The following PRKG1 variants were observed in gnomAD, a reference collection of about 807,000 sequenced individuals.
PRKG1 encodes the protein protein kinase cGMP-dependent 1.
Under a neutral mutation model 88.1 loss-of-function variants are expected in PRKG1, and 35 were observed. The ratio of observed to expected loss-of-function variants is 0.40; its 90% CI spans 0.30 to 0.53. The LOEUF (loss-of-function observed/expected upper bound fraction) is 0.53, where lower values mean the gene tolerates loss of function less well. Among genes scored for constraint, PRKG1 ranks in the 20% least tolerant of loss-of-function variants. The pLI is 0.59. For synonymous variants in PRKG1, 303 were observed against 292.5 expected, an observed-to-expected ratio of 1.04 and a Z score of -0.37; for missense variants, 540 against 839.8, an observed-to-expected ratio of 0.64 and a Z score of 4.41.
intron 2 of PRKG1, among the ~76,000 whole-genome samples, chr10:51,301,921 C>T (rs1840898920): frequency 6.6e-6 from 1 of 152,194 alleles, no homozygotes; most frequent in Non-Finnish European, 1.5e-5. Context: ...TGACTGCCTT[C>T]TCTTCTCATG....
At chr10:51,019,848 GA>G (rs1355234595) in intron 1 of PRKG1, among the ~76,000 whole-genome samples, 2 of 151,560 alleles carry the variant, frequency 1.3e-5, no homozygotes, top group Non-Finnish European at 2.9e-5. Flanking sequence ...GAAATGAATA[GA>G]AATTTTTTTA....
At chr10:52,057,576 G>A (rs755489251) in intron 6 of PRKG1, among the ~76,000 whole-genome samples, 3 of 152,144 alleles carry the variant, frequency 2.0e-5, no homozygotes, top group Non-Finnish European at 4.4e-5. Context: ...AACAGGATGG[G>A]TAAGCAAAGT....
intron 5 of PRKG1, among the ~76,000 whole-genome samples, chr10:51,993,386 A>G (rs529081157): frequency 5.3e-5 from 8 of 152,312 alleles, no homozygotes; most frequent in African/African-American, 1.9e-4. Flanking sequence ...GAAATTTTAA[A>G]CAAGAAACTT....
At chr10:51,893,084 A>G (rs1486023927) in intron 4 of PRKG1, among the ~76,000 whole-genome samples, 2 of 152,150 alleles carry the variant, frequency 1.3e-5, no homozygotes, top group African/African-American at 2.4e-5. Context: ...ATTAGATGCT[A>G]TTAAGCATTT....
chr10:51,966,511 C>T (rs2454572), intron 5 of PRKG1, among the ~76,000 whole-genome samples: 102,390 of 152,014 alleles, frequency 0.67, 35,250 homozygotes, highest in African/African-American at 0.77. Flanking sequence ...TGGCATTTTA[C>T]GTCAATGCCA....
intron 3 of PRKG1, among the ~76,000 whole-genome samples, chr10:51,477,347 T>A (rs1417032019): frequency 6.7e-6 from 1 of 149,642 alleles, no homozygotes; most frequent in Non-Finnish European, 1.5e-5. Flanking sequence ...ATAGAAGAAT[T>A]TGGAAGGAAA....
At chr10:51,952,915 C>T (rs1455739163) in intron 5 of PRKG1, among the ~76,000 whole-genome samples, 1 of 152,170 alleles carries the variant, frequency 6.6e-6, no homozygotes, top group Non-Finnish European at 1.5e-5. Flanking sequence ...GAGCCTGGGA[C>T]AGTGTGATTA....
chr10:51,262,312 A>G (rs937164241), intron 2 of PRKG1, among the ~76,000 whole-genome samples: 2 of 152,200 alleles, frequency 1.3e-5, no homozygotes, highest in Non-Finnish European at 2.9e-5. Flanking sequence ...CTGATAAAAC[A>G]TATCTGTGAG....
intron 3 of PRKG1, among the ~76,000 whole-genome samples, chr10:51,562,058 T>C (rs1837477065): frequency 6.6e-6 from 1 of 151,882 alleles, no homozygotes; most frequent in African/African-American, 2.4e-5. Context: ...ACCCCATCTT[T>C]ACTAAAAACA....
At chr10:51,167,189 G>A (rs1846569561) in intron 2 of PRKG1, among the ~76,000 whole-genome samples, 1 of 152,094 alleles carries the variant, frequency 6.6e-6, no homozygotes, top group Non-Finnish European at 1.5e-5. Flanking sequence ...ACAGGGTGAT[G>A]AAAGAGAATC....
intron 6 of PRKG1, among the ~76,000 whole-genome samples, chr10:52,056,733 G>A (rs181592143): frequency 6.6e-6 from 1 of 152,018 alleles, no homozygotes; most frequent in Non-Finnish European, 1.5e-5. Context: ...TCTTAGTTAT[G>A]TAAATTACAT....
At chr10:52,282,940 T>C (rs1268506774) in intron 14 of PRKG1, among the ~76,000 whole-genome samples, 2 of 152,058 alleles carry the variant, frequency 1.3e-5, no homozygotes, top group African/African-American at 4.8e-5. Context: ...GAAGAATGAA[T>C]ATAAGGCAGC....
chr10:51,082,448 G>T (rs1844136566), intron 1 of PRKG1, among the ~76,000 whole-genome samples: 1 of 152,152 alleles, frequency 6.6e-6, no homozygotes, highest in African/African-American at 2.4e-5. Context: ...CCAATTCCTA[G>T]ATTGTACCAC....
chr10:51,471,480 A>G (rs1840048661), intron 3 of PRKG1, among the ~76,000 whole-genome samples: 1 of 151,824 alleles, frequency 6.6e-6, no homozygotes, highest in Admixed American at 6.6e-5. Context: ...ACGTTTTCCT[A>G]AAGTGTCACT....
intron 9 of PRKG1, among the ~76,000 whole-genome samples, chr10:52,166,508 A>G (rs1838442739): frequency 2.2e-5 from 3 of 134,814 alleles, no homozygotes; most frequent in East Asian, 4.2e-4. Flanking sequence ...ATCTCGGCTC[A>G]CTGCAAGCTC....
chr10:51,108,425 C>A (rs1275968032), intron 1 of PRKG1, among the ~76,000 whole-genome samples: 2 of 151,636 alleles, frequency 1.3e-5, no homozygotes, highest in African/African-American at 4.8e-5. Context: ...GGTGTACATC[C>A]CATGAATGTG....
Position 52,271,432 on chromosome 10 carries a change from A to G in PRKG1, c.1256A>G (p.Glu419Gly). The G allele has an allele frequency of 6.2e-7, 1 of 1,613,126 alleles. No individual in the cohort carries two copies. Residue 419 changes from glutamate to glycine, a missense_variant, in exon 11 of 18, where the codon GAG becomes GGG. Glu to Gly is a moderately conservative substitution (Grantham distance 98, BLOSUM62 -2). This residue lies in a region of PRKG1 where 400 missense variants were observed against 562.7 expected (regional missense o/e 0.71). Coordinates refer to ENST00000373980, the MANE Select transcript of PRKG1 (RefSeq NM_006258.4). Reference protein sequence around the residue: ...KRHIVDTRQQEHIRSEKQIMQ... With the variant: ...KRHIVDTRQQGHIRSEKQIMQ... ...CACATTGTGGACACAAGACAGCAGG[A>G]GCACATCCGCTCAGAGAAGCAGATC...
intron 3 of PRKG1, among the ~76,000 whole-genome samples, chr10:51,526,459 A>G (rs1841885974): frequency 1.3e-5 from 2 of 152,148 alleles, no homozygotes; most frequent in Admixed American, 1.3e-4. Flanking sequence ...CGTGGTTCAC[A>G]CTTTATTTGT....
chr10:52,183,030 G>A (rs1839084669), intron 9 of PRKG1, among the ~76,000 whole-genome samples: 1 of 152,132 alleles, frequency 6.6e-6, no homozygotes, highest in Non-Finnish European at 1.5e-5. Flanking sequence ...GGAGGTATCA[G>A]GTTCTTTTAA....
Sources: allele counts gnomAD v4.1 joint callset (sites outside exome capture counted in the v4.1 genomes callset), GRCh38; gene constraint gnomAD v4.1.1; regional missense constraint gnomAD v4.1.1; transcripts MANE v1.5; gene names NCBI Gene and HGNC (gene_info 2026-07-23, HGNC 2026-07-21).